The following KIF16B variants were observed in gnomAD, a reference collection of about 807,000 sequenced individuals.
KIF16B encodes the protein kinesin-like protein KIF16B.
Under a neutral mutation model 156.3 loss-of-function variants are expected in KIF16B, and 98 were observed. The observed-to-expected ratio is 0.63, with a 90% CI of 0.53 to 0.74. The LOEUF (loss-of-function observed/expected upper bound fraction) is 0.74. Among genes scored for constraint, KIF16B ranks in the 30% least tolerant of loss-of-function variants. The probability of loss-of-function intolerance (pLI) is 0.00; values close to 1 mark genes in which losing one functional copy is unlikely to be tolerated. For synonymous variants in KIF16B, 564 were observed against 583.7 expected (o/e 0.97, Z 0.49); for missense variants, 1,421 against 1,606.5 (o/e 0.88, Z 1.97).
chr20:16,272,580 T>A lies in KIF16B; in HGVS notation c.*673A>T, dbSNP rs2062999769. ...TTCAAGGTTAAATAAATATCCTAAT[T>A]GTAGGGATTTATAGAAGTTTTAAGT... On this transcript the variant is annotated 3_prime_UTR_variant, in exon 26 of 26. Transcript: ENST00000354981. The A allele has an allele frequency of 6.6e-6, 1 of 152,630 alleles. No homozygotes were observed. Among genetic ancestry groups the A allele is most frequent in the Non-Finnish European group, 1.5e-5 (1 of 68,034 alleles). 9.5% of individuals were successfully genotyped at this position (152,630 alleles called of 1,614,324 possible).
intron 6 of KIF16B, among the ~76,000 whole-genome samples, chr20:16,510,346 T>C (rs988418634): frequency 6.6e-6 from 1 of 152,028 alleles, no homozygotes; most frequent in African/African-American, 2.4e-5. Flanking sequence ...AAAGCTTAAG[T>C]GGAAATTTAT....
chr20:16,302,183 A>G (rs1568831177), intron 25 of KIF16B, among the ~76,000 whole-genome samples: 1 of 152,170 alleles, frequency 6.6e-6, no homozygotes, highest in Non-Finnish European at 1.5e-5. Flanking sequence ...GTTGTATCTA[A>G]AAAGTTATTT....
At chr20:16,454,640 G>T (rs1428793490) in intron 12 of KIF16B, among the ~76,000 whole-genome samples, 1 of 152,018 alleles carries the variant, frequency 6.6e-6, no homozygotes. Flanking sequence ...AAATATCTTT[G>T]TAGATCTTTT....
In KIF16B at chr20:16,532,515, G is replaced by C. The variant is rs143284429; in HGVS notation, c.48-4075C>G. Among the ~76,000 whole-genome samples, 3 of 152,304 alleles carry C rather than the reference G, an allele frequency of 2.0e-5. No individual in the cohort carries two copies. The East Asian group carries it at 5.8e-4, about 29-fold the overall frequency. ...TGCTTCAGGGACACCCCATGTTCAT[G>C]TGGCTACAAAACAAATACTTCATAA... On this transcript the variant is annotated intron_variant, in intron 1 of 25. Coordinates refer to ENST00000354981, the MANE Select transcript of KIF16B (RefSeq NM_024704.5).
chr20:16,333,875 AC>A (rs2063991023), intron 24 of KIF16B, among the ~76,000 whole-genome samples: 1 of 152,104 alleles, frequency 6.6e-6, no homozygotes, highest in Non-Finnish European at 1.5e-5. Context: ...TGTGCCCAAC[AC>A]CTTCTGCCCC....
intron 12 of KIF16B, among the ~76,000 whole-genome samples, chr20:16,456,096 C>A (rs1251107087): frequency 1.4e-5 from 2 of 143,308 alleles, no homozygotes; most frequent in Non-Finnish European, 3.0e-5. Context: ...TCTACTGGAG[C>A]CAATACAATA....
At chr20:16,433,189 G>A (rs2066548736) in intron 12 of KIF16B, among the ~76,000 whole-genome samples, 1 of 152,120 alleles carries the variant, frequency 6.6e-6, no homozygotes, top group Non-Finnish European at 1.5e-5. Context: ...TGTCCTCATG[G>A]GAAGGTTTGG....
chr20:16,322,944 A>G (rs932402001), intron 24 of KIF16B, among the ~76,000 whole-genome samples: 1 of 152,052 alleles, frequency 6.6e-6, no homozygotes, highest in African/African-American at 2.4e-5. Context: ...GATATAAATA[A>G]TGGCAGCCCT....
intron 3 of KIF16B, among the ~76,000 whole-genome samples, chr20:16,516,820 C>A (rs548372334): frequency 6.6e-6 from 1 of 152,304 alleles, no homozygotes; most frequent in South Asian, 2.1e-4. Context: ...TAACCCAGCC[C>A]AGTGAAATAT....
chr20:16,372,327 G>A (rs944752881), intron 20 of KIF16B, among the ~76,000 whole-genome samples: 2 of 152,176 alleles, frequency 1.3e-5, no homozygotes, highest in African/African-American at 4.8e-5. Flanking sequence ...CTCCAAATGG[G>A]TTCTCTGTAC....
At chr20:16,486,831 TG>T (rs2068129832) in intron 12 of KIF16B, among the ~76,000 whole-genome samples, 1 of 152,222 alleles carries the variant, frequency 6.6e-6, no homozygotes, top group Non-Finnish European at 1.5e-5. Flanking sequence ...GTAAGGAAGC[TG>T]GTAACCCATG....
intron 12 of KIF16B, among the ~76,000 whole-genome samples, chr20:16,451,532 T>C (rs1481508295): frequency 6.9e-6 from 1 of 144,002 alleles, no homozygotes; most frequent in Non-Finnish European, 1.5e-5. Context: ...ACTACCATGT[T>C]AAAAAAAAAA....
intron 25 of KIF16B, among the ~76,000 whole-genome samples, chr20:16,296,876 G>A (rs1054004704): frequency 3.3e-5 from 5 of 152,240 alleles, no homozygotes; most frequent in Admixed American, 6.5e-5. Context: ...TCAGTAGAAC[G>A]AGTAAAGCAG....
chr20:16,341,781 T>A (rs1483294163), intron 23 of KIF16B, among the ~76,000 whole-genome samples: 2 of 152,120 alleles, frequency 1.3e-5, no homozygotes, highest in Non-Finnish European at 1.5e-5. Flanking sequence ...CAGGTTAAGG[T>A]CCGAGCAGCC....
chr20:16,273,781 C>T (rs963319440), intron 25 of KIF16B, among the ~76,000 whole-genome samples: 3 of 152,286 alleles, frequency 2.0e-5, no homozygotes, highest in African/African-American at 7.2e-5. Flanking sequence ...CTGGAAAGTG[C>T]TATCATTGTC....
intron 12 of KIF16B, among the ~76,000 whole-genome samples, chr20:16,475,148 G>T (rs527368255): frequency 6.6e-6 from 1 of 152,260 alleles, no homozygotes; most frequent in East Asian, 1.9e-4. Context: ...ATTCTTCAAA[G>T]AATTTAGCAT....
At chr20:16,496,473 T>G (rs62199779) in intron 11 of KIF16B, among the ~76,000 whole-genome samples, 1,894 of 152,344 alleles carry the variant, frequency 0.012, 16 homozygotes, top group Middle Eastern at 0.062. Context: ...GTGCTACTAC[T>G]TCTAACAGTG....
At position 16,345,482 on chromosome 20, in the gene KIF16B, T is replaced by C. The variant is rs988405497; in HGVS notation, c.3622-9467A>G. ...CATTATAGTCCTTTTCTGACTTACC[T>C]GTAACTGTTTAAAGGTTTTAGAAAG... On this transcript the variant is annotated intron_variant, in intron 23 of 25. Coordinates refer to ENST00000354981, the MANE Select transcript of KIF16B (RefSeq NM_024704.5). 2.0e-5 allele frequency among the ~76,000 whole-genome samples: 3 copies of C among 152,262 alleles called. No individual in the cohort carries two copies. In the South Asian group the frequency reaches 6.2e-4, roughly 32 times the overall value.
At chr20:16,462,273 T>C (rs779988763) in intron 12 of KIF16B, among the ~76,000 whole-genome samples, 1 of 152,002 alleles carries the variant, frequency 6.6e-6, no homozygotes, top group Non-Finnish European at 1.5e-5. Flanking sequence ...TCAACTTCCA[T>C]ATGTACACTT....
Sources: gnomAD v4.1 joint callset for allele counts (sites outside exome capture counted in the v4.1 genomes callset) on GRCh38, gnomAD v4.1.1 for gene constraint, MANE v1.5 for transcripts, NCBI Gene and HGNC (gene_info 2026-07-23, HGNC 2026-07-21) for gene names.